RYR3: variants seen among roughly 807,000 people sequenced by gnomAD.
RYR3 encodes ryanodine receptor 3.
A neutral mutation model predicts 584.3 loss-of-function variants in RYR3; 207 were observed. That is an observed-to-expected ratio of 0.35 (90% CI 0.32 to 0.40). The LOEUF (loss-of-function observed/expected upper bound fraction) is 0.40, where lower values mean the gene tolerates loss of function less well. Among genes scored for constraint, RYR3 ranks in the 10% least tolerant of loss-of-function variants. RYR3 has a pLI of 1.00. For synonymous variants in RYR3, 2,416 were observed against 2,248.5 expected (o/e 1.07, Z -2.11); for missense variants, 5,616 against 6,089.2 (o/e 0.92, Z 2.59).
intron 8 of RYR3, among the ~76,000 whole-genome samples, chr15:33,544,752 T>C (rs2141187593): frequency 6.6e-6 from 1 of 152,268 alleles, no homozygotes; most frequent in African/African-American, 2.4e-5. Context: ...CTGAATACCC[T>C]TTCATAGGAA....
At chr15:33,654,585 G>A (rs1218581119) in intron 32 of RYR3, among the ~76,000 whole-genome samples, 1 of 152,122 alleles carries the variant, frequency 6.6e-6, no homozygotes, top group Non-Finnish European at 1.5e-5. Context: ...AAGTATCATG[G>A]AGATAGGGAA....
chr15:33,407,885 C>T (rs1324801085), intron 1 of RYR3, among the ~76,000 whole-genome samples: 1 of 152,172 alleles, frequency 6.6e-6, no homozygotes, highest in East Asian at 1.9e-4. Context: ...GTATATATTA[C>T]TTGTTTCCCC....
At chr15:33,626,966 G>T (rs1168974373) in intron 20 of RYR3, among the ~76,000 whole-genome samples, 1 of 152,120 alleles carries the variant, frequency 6.6e-6, no homozygotes, top group African/African-American at 2.4e-5. Flanking sequence ...GGAAAATGTG[G>T]GATTGAAGCC....
chr15:33,634,847 G>A, intron 25 of RYR3, 114 bp downstream of exon 25: 1 of 846,324 alleles, frequency 1.2e-6, no homozygotes, highest in Non-Finnish European at 1.9e-6. Context: ...TATTGGGGCT[G>A]AAGAGCACTA....
intron 36 of RYR3, among the ~76,000 whole-genome samples, chr15:33,667,491 G>A (rs544305880): frequency 7.2e-5 from 11 of 151,962 alleles, no homozygotes; most frequent in African/African-American, 1.9e-4. Context: ...CAGTGGTTAC[G>A]GTATCTAGAA....
chr15:33,602,535 TA>T lies in RYR3; in HGVS notation c.1923-582del, dbSNP rs540092484. 2.8e-3 allele frequency among the ~76,000 whole-genome samples: 423 copies of T among 152,236 alleles called. 1 individual carries two copies. The highest frequency in any genetic ancestry group is 9.7e-3 in the African/African-American group (401 of 41,540). ...GAACTCAAGTAAATTTTTTTTAACT[TA>T]AAAAACAAAGGTTTGTAATCTTACA... On this transcript the variant is annotated intron_variant, in intron 17 of 103. Transcript: ENST00000634891.
At chr15:33,672,733 T>G (rs1191834522) in intron 38 of RYR3, among the ~76,000 whole-genome samples, 1 of 152,244 alleles carries the variant, frequency 6.6e-6, no homozygotes, top group Non-Finnish European at 1.5e-5. Context: ...GTATCTGATT[T>G]CTATTACCCT....
chr15:33,478,535 G>A (rs758310677), intron 2 of RYR3, among the ~76,000 whole-genome samples: 52 of 152,164 alleles, frequency 3.4e-4, no homozygotes, highest in Admixed American at 1.2e-3. Context: ...TATCAATCAG[G>A]GATCATTTTC....
intron 48 of RYR3, among the ~76,000 whole-genome samples, chr15:33,735,353 C>T (rs8036740): frequency 0.26 from 38,805 of 152,086 alleles, 5,468 homozygotes; most frequent in African/African-American, 0.38. Flanking sequence ...GTGAAACAGA[C>T]GACTTTTGTT....
At chr15:33,837,566 G>C in intron 88 of RYR3, 65 bp from the exon 89 acceptor site, 4 of 1,464,290 alleles carry the variant, frequency 2.7e-6, no homozygotes, top group Non-Finnish European at 3.6e-6. Context: ...ATAGCTACCT[G>C]ACAAGTGACA....
chr15:33,722,465 T>C, intron 43 of RYR3: 1 of 512,914 alleles, frequency 1.9e-6, no homozygotes, highest in South Asian at 2.8e-5. Flanking sequence ...TCCATCAGTG[T>C]CAACTCCTAA....
intron 9 of RYR3, among the ~76,000 whole-genome samples, chr15:33,548,988 C>G (rs1015357249): frequency 1.3e-5 from 2 of 152,120 alleles, no homozygotes; most frequent in South Asian, 2.1e-4. Context: ...TATATGCCCC[C>G]CAAGGGCTCC....
At chr15:33,568,750 T>C (rs1404304896) in intron 12 of RYR3, among the ~76,000 whole-genome samples, 1 of 152,184 alleles carries the variant, frequency 6.6e-6, no homozygotes, top group African/African-American at 2.4e-5. Context: ...AGTTTTAATA[T>C]ATTTATTTGC....
chr15:33,860,446 A>G, intron 100 of RYR3, 149 bp from the exon 101 acceptor site: 1 of 535,248 alleles, frequency 1.9e-6, no homozygotes. Flanking sequence ...GCCAGGATGT[A>G]ACACAAAGAA....
At chr15:33,850,728 T>A (rs114426968) in intron 94 of RYR3, 1 of 152,136 alleles carries the variant, frequency 6.6e-6, no homozygotes, top group Non-Finnish European at 1.5e-5. Flanking sequence ...TTTTACAGTA[T>A]AATTATAAAC....
intron 1 of RYR3, among the ~76,000 whole-genome samples, chr15:33,392,111 G>A (rs1254002350): frequency 2.7e-5 from 4 of 150,938 alleles, no homozygotes; most frequent in South Asian, 2.1e-4. Flanking sequence ...CCATTTGATC[G>A]TAAATTTGCT....
chr15:33,509,397 C>T (rs1008427614), intron 3 of RYR3, among the ~76,000 whole-genome samples: 1 of 152,158 alleles, frequency 6.6e-6, no homozygotes, highest in African/African-American at 2.4e-5. Context: ...TTTAGCATCT[C>T]ACTCTGAGGT....
At chr15:33,817,059 G>T in intron 75 of RYR3, 101 bp downstream of exon 75, 2 of 722,754 alleles carry the variant, frequency 2.8e-6, no homozygotes, top group South Asian at 1.8e-5. Flanking sequence ...AAGGAATCGT[G>T]TGTATACAGT....
chr15:33,527,942 C>A (rs2054531485), intron 3 of RYR3, among the ~76,000 whole-genome samples: 1 of 152,062 alleles, frequency 6.6e-6, no homozygotes, highest in African/African-American at 2.4e-5. Flanking sequence ...TACAGAGTAT[C>A]TTTTGGAGGT....
Sources: gnomAD v4.1 joint callset for allele counts (sites outside exome capture counted in the v4.1 genomes callset) on GRCh38, gnomAD v4.1.1 for gene constraint, MANE v1.5 for transcripts, NCBI Gene and HGNC (gene_info 2026-07-23, HGNC 2026-07-21) for gene names.